MACROD2: variants seen among roughly 807,000 people sequenced by gnomAD.
The protein encoded by MACROD2 is ADP-ribose glycohydrolase MACROD2.
MACROD2 carries 36 observed loss-of-function variants against 70.4 expected under a neutral mutation model. That is an observed-to-expected ratio of 0.51 (90% CI 0.39 to 0.68). The LOEUF (loss-of-function observed/expected upper bound fraction) is 0.68. MACROD2 is among the 30% of genes least tolerant of loss of function. The pLI is 0.00. For synonymous variants in MACROD2, 172 were observed against 178.8 expected (o/e 0.96, Z 0.30); for missense variants, 496 against 538.4 (o/e 0.92, Z 0.78).
chr20:15,431,729 TAATGA>T (rs2046365800), intron 7 of MACROD2, among the ~76,000 whole-genome samples: 1 of 152,056 alleles, frequency 6.6e-6, no homozygotes, highest in African/African-American at 2.4e-5. Context: ...TTGCTTTGTT[TAATGA>T]AATCAAATTT....
At chr20:14,089,482 A>G (rs747404336) in intron 3 of MACROD2, among the ~76,000 whole-genome samples, 3 of 152,208 alleles carry the variant, frequency 2.0e-5, no homozygotes, top group Non-Finnish European at 4.4e-5. Flanking sequence ...AGTACATTGG[A>G]ACACCTGGTC....
intron 5 of MACROD2, among the ~76,000 whole-genome samples, chr20:14,848,087 T>C (rs1190327332): frequency 6.6e-6 from 1 of 152,226 alleles, no homozygotes; most frequent in East Asian, 1.9e-4. Context: ...ATACAAGAGA[T>C]GCAGCTAAGA....
chr20:15,928,197 A>G (rs6135605), intron 10 of MACROD2, among the ~76,000 whole-genome samples: 8,968 of 152,310 alleles, frequency 0.059, 416 homozygotes, highest in East Asian at 0.24. Flanking sequence ...TGATTAGGAC[A>G]TGATTATGTC....
intron 4 of MACROD2, among the ~76,000 whole-genome samples, chr20:14,626,651 C>A (rs1984187415): frequency 6.6e-6 from 1 of 152,136 alleles, no homozygotes; most frequent in South Asian, 2.1e-4. Context: ...CTTCAGGTTC[C>A]TCATACCCAG....
chr20:14,939,398 A>G (rs1227560679), intron 5 of MACROD2, among the ~76,000 whole-genome samples: 1 of 152,120 alleles, frequency 6.6e-6, no homozygotes, highest in Non-Finnish European at 1.5e-5. Flanking sequence ...TGAGTTGGCT[A>G]TAAATGTGCA....
At chr20:16,001,105 G>A (rs1568698821) in intron 15 of MACROD2, among the ~76,000 whole-genome samples, 1 of 152,206 alleles carries the variant, frequency 6.6e-6, no homozygotes, top group South Asian at 2.1e-4. Context: ...GATTTCAAAT[G>A]TAAGTGCTGC....
At chr20:15,444,279 TTC>T (rs1353286423) in intron 7 of MACROD2, among the ~76,000 whole-genome samples, 7 of 152,216 alleles carry the variant, frequency 4.6e-5, no homozygotes, top group African/African-American at 1.4e-4. Flanking sequence ...TGTATCAATG[TTC>T]CACATTTTGT....
intron 4 of MACROD2, among the ~76,000 whole-genome samples, chr20:14,572,475 A>G (rs566250390): frequency 2.6e-5 from 4 of 152,290 alleles, no homozygotes; most frequent in African/African-American, 9.6e-5. Flanking sequence ...AGAAGACTGC[A>G]TAAGAATCTC....
chr20:15,090,103 TAGG>T (rs1426232351), intron 5 of MACROD2, among the ~76,000 whole-genome samples: 2 of 151,944 alleles, frequency 1.3e-5, no homozygotes, highest in Non-Finnish European at 2.9e-5. Context: ...TGGAGAAAAT[TAGG>T]AGATGATATT....
Position 14,682,504 on chromosome 20 carries a change from A to G in MACROD2, c.302-2339A>G, listed in dbSNP as rs180997620. Among the ~76,000 whole-genome samples the G allele has an allele frequency of 3.8e-4, 57 of 151,804 alleles. 1 individual carries two copies. The East Asian group carries it at 0.011, about 29-fold the overall frequency. On this transcript the variant is annotated intron_variant, in intron 4 of 17. Transcript: ENST00000684519. The stretch of plus-strand genomic sequence containing the variant: ...ATATGTATATTCAGTACATATATAT[A>G]TGTACGTGTGTGTATATAATGTTGT...
At chr20:14,126,451 G>T (rs976468145) in intron 3 of MACROD2, among the ~76,000 whole-genome samples, 13 of 152,074 alleles carry the variant, frequency 8.5e-5, no homozygotes, top group African/African-American at 2.9e-4. Context: ...GAATTTTGGG[G>T]GTCCATGTAG....
At chr20:15,113,195 C>T (rs2075968416) in intron 5 of MACROD2, among the ~76,000 whole-genome samples, 1 of 150,668 alleles carries the variant, frequency 6.6e-6, no homozygotes, top group Non-Finnish European at 1.5e-5. Flanking sequence ...AAATGCAATA[C>T]ATTTTTTTTC....
At chr20:16,008,054 G>A (rs2066813691) in intron 15 of MACROD2, among the ~76,000 whole-genome samples, 3 of 152,134 alleles carry the variant, frequency 2.0e-5, no homozygotes. Context: ...TCTTTCGCAG[G>A]AGTTCTTTTA....
chr20:14,567,262 A>G (rs1412446680), intron 4 of MACROD2, among the ~76,000 whole-genome samples: 1 of 152,068 alleles, frequency 6.6e-6, no homozygotes, highest in African/African-American at 2.4e-5. Flanking sequence ...CCATCAATAG[A>G]TGAATGATCT....
At chr20:14,528,447 C>A (rs1287667646) in intron 4 of MACROD2, among the ~76,000 whole-genome samples, 1 of 151,994 alleles carries the variant, frequency 6.6e-6, no homozygotes, top group Non-Finnish European at 1.5e-5. Flanking sequence ...AGCCACCGTG[C>A]CTGGACTGAA....
In MACROD2 at chr20:15,777,532, TC is replaced by T. The variant is rs1337977905; in HGVS notation, c.646-85211del. On this transcript the variant is annotated intron_variant, in intron 8 of 17. Coordinates refer to ENST00000684519, the MANE Select transcript of MACROD2 (RefSeq NM_001351661.2). ...TTCTTTCCTTCCTTCCTTCCTTCCT[TC>T]CTTCCTTCCTTCCTTCCTTCCTTCC... 6.0e-4 allele frequency among the ~76,000 whole-genome samples: 31 copies of T among 51,408 alleles called. 1 individual carries two copies. The East Asian group carries it at 0.015, about 24-fold the overall frequency. 33.7% of individuals were successfully genotyped at this position (51,408 alleles called of 152,430 possible).
chr20:14,090,392 G>T (rs1467167754), intron 3 of MACROD2, among the ~76,000 whole-genome samples: 3 of 152,026 alleles, frequency 2.0e-5, no homozygotes, highest in Admixed American at 2.0e-4. Flanking sequence ...GGCCAAGATG[G>T]TGAAACCCCG....
At chr20:15,850,700 C>T (rs1023017104) in intron 8 of MACROD2, among the ~76,000 whole-genome samples, 2 of 152,172 alleles carry the variant, frequency 1.3e-5, no homozygotes, top group African/African-American at 4.8e-5. Flanking sequence ...CAGCTGATGG[C>T]AGTCACTGCA....
At chr20:14,835,462 G>A (rs2073019223) in intron 5 of MACROD2, among the ~76,000 whole-genome samples, 1 of 152,032 alleles carries the variant, frequency 6.6e-6, no homozygotes, top group African/African-American at 2.4e-5. Flanking sequence ...CATTGCCTGG[G>A]CTCAGCCATT....
Sources: gnomAD v4.1 joint callset for allele counts (sites outside exome capture counted in the v4.1 genomes callset) on GRCh38, gnomAD v4.1.1 for gene constraint, MANE v1.5 for transcripts, NCBI Gene and HGNC (gene_info 2026-07-23, HGNC 2026-07-21) for gene names.